The following EEA1 variants were observed in gnomAD, a reference collection of about 807,000 sequenced individuals.
EEA1 encodes early endosome antigen 1.
A neutral mutation model predicts 209.2 loss-of-function variants in EEA1; 111 were observed. That is an observed-to-expected ratio of 0.53 (90% CI 0.45 to 0.62). EEA1 has a LOEUF of 0.62. EEA1 is among the 20% of genes least tolerant of loss of function. The probability of loss-of-function intolerance (pLI) is 0.00; values close to 1 mark genes in which losing one functional copy is unlikely to be tolerated. For synonymous variants in EEA1, 536 were observed against 540.6 expected, an observed-to-expected ratio of 0.99 and a Z score of 0.12; for missense variants, 1,343 against 1,530.8, an observed-to-expected ratio of 0.88 and a Z score of 2.05.
intron 3 of EEA1, chr12:92,858,496 T>G (rs745618836): frequency 1.7e-5 from 16 of 938,404 alleles, no homozygotes; most frequent in Non-Finnish European, 2.8e-5. Flanking sequence ...GGCTTGATGT[T>G]TGGCTACGCC....
In EEA1 at chr12:92,827,953, CTTG is replaced by C. The variant is rs773755370; in HGVS notation, c.1360_1362del (p.Gln454del). On this transcript the variant is annotated inframe_deletion, in exon 12 of 29. Coordinates refer to ENST00000322349, the MANE Select transcript of EEA1 (RefSeq NM_003566.4). ...GAAAGTTTGAGTTGTAAATCAGCCA[CTTG>C]TTGTTCTTTATCCATCAACTTTTCA... is the stretch of plus-strand genomic sequence containing the variant. 29 of 1,589,868 alleles carry C rather than the reference CTTG, an allele frequency of 1.8e-5. No homozygotes were observed. Among genetic ancestry groups the C allele is most frequent in the South Asian group, 2.3e-5 (2 of 86,642 alleles).
rs1460228350 is a variant in EEA1 at position 92,878,704 on chromosome 12, A to G, written c.117+12925T>C. 2.0e-5 allele frequency among the ~76,000 whole-genome samples: 3 copies of G among 152,314 alleles called. No homozygotes were observed. The East Asian group carries it at 5.8e-4, about 29-fold the overall frequency. On this transcript the variant is annotated intron_variant, in intron 2 of 28. Coordinates refer to ENST00000322349, the MANE Select transcript of EEA1 (RefSeq NM_003566.4). The stretch of plus-strand genomic sequence containing the variant: ...AACACAGAGAAAATTAACAAAGTCA[A>G]AAGTTGGCTACCTTAAAAATTAATA...
At chr12:92,901,105 A>G (rs944460766) in intron 1 of EEA1, among the ~76,000 whole-genome samples, 3 of 152,264 alleles carry the variant, frequency 2.0e-5, no homozygotes, top group Non-Finnish European at 4.4e-5. Flanking sequence ...TTATACTTCC[A>G]AAGAACTGTA....
chr12:92,789,579 G>T (rs1392928019), intron 21 of EEA1, among the ~76,000 whole-genome samples: 1 of 152,110 alleles, frequency 6.6e-6, no homozygotes, highest in African/African-American at 2.4e-5. Context: ...AGGGGGGTCT[G>T]CCATTGCTGA....
chr12:92,886,986 G>A (rs112795225), intron 2 of EEA1, among the ~76,000 whole-genome samples: 5,982 of 118,758 alleles, frequency 0.05, 171 homozygotes, highest in Non-Finnish European at 0.067. Context: ...GCAACAGAGC[G>A]GGACTCCATC....
chr12:92,923,280 G>A (rs995742505), intron 1 of EEA1, among the ~76,000 whole-genome samples: 2 of 152,072 alleles, frequency 1.3e-5, no homozygotes, highest in East Asian at 1.9e-4. Flanking sequence ...CCCGGGAGGC[G>A]GAGCTTGTAG....
chr12:92,780,159 C>T (rs1354923733), intron 24 of EEA1, 121 bp downstream of exon 24: 1 of 1,048,872 alleles, frequency 9.5e-7, no homozygotes, highest in African/African-American at 1.7e-5. Flanking sequence ...TCAGAAACAA[C>T]AGAACAATTT....
intron 2 of EEA1, among the ~76,000 whole-genome samples, chr12:92,880,488 T>TG (rs750049186): frequency 1.6e-4 from 25 of 151,974 alleles, no homozygotes; most frequent in Non-Finnish European, 3.4e-4. Flanking sequence ...TTGTTGTTGT[T>TG]GGAGGGGGCG....
intron 6 of EEA1, 27 bp downstream of exon 6, chr12:92,853,888 C>G: frequency 6.3e-7 from 1 of 1,584,712 alleles, no homozygotes; most frequent in African/African-American, 1.4e-5. Flanking sequence ...AGAAAACTGA[C>G]AAAATATCTG....
At chr12:92,806,070 A>T (rs1334696313) in intron 18 of EEA1, among the ~76,000 whole-genome samples, 2 of 152,196 alleles carry the variant, frequency 1.3e-5, no homozygotes, top group Non-Finnish European at 2.9e-5. Context: ...TGGGTAACTG[A>T]AAAAAAGAAA....
In EEA1 at chr12:92,819,392, A is replaced by G. The variant is rs1366084256; in HGVS notation, c.1644T>C (p.Asp548=). Reference sequence around the variant, plus strand: ...CACCAGCCTGAATTTTTGCATAAAGATCTTCTCTTTCTTTTTCTAGTAATG... The same window carrying G: ...CACCAGCCTGAATTTTTGCATAAAGGTCTTCTCTTTCTTTTTCTAGTAATG... ...NISLLEKERE[D]LYAKIQAGEG... The change falls in exon 14 of 29, where the codon GAT becomes GAC. Residue 548 remains aspartate, a synonymous_variant. Transcript: ENST00000322349. The G allele has an allele frequency of 8.7e-6, 14 of 1,612,814 alleles. No individual in the cohort carries two copies. The East Asian group carries it at 2.7e-4, about 31-fold the overall frequency.
At position 92,856,767 on chromosome 12, in the gene EEA1, C is replaced by CTTTT. The variant is rs57579359; in HGVS notation, c.366+504_366+507dup. On this transcript the variant is annotated intron_variant, in intron 5 of 28. Transcript: ENST00000322349. ...AAAAACAACATATAGATACCTGATT[C>CTTTT]TTTTTTTTTTTTTTTTTTTTTTGAG... is the stretch of plus-strand genomic sequence containing the variant. Among the ~76,000 whole-genome samples, 205 of 86,642 alleles carry CTTTT rather than the reference C, an allele frequency of 2.4e-3. 2 individuals carry two copies. Among genetic ancestry groups the CTTTT allele is most frequent in the African/African-American group, 3.3e-3 (73 of 22,008 alleles). The allele number at this position is 86,642 out of a possible 152,430, so 56.8% of individuals were successfully genotyped here. A position where few individuals can be genotyped will look rare whatever the true frequency, so the allele number is the denominator to read the frequency against.
chr12:92,919,633 C>T (rs1278469507), intron 1 of EEA1, among the ~76,000 whole-genome samples: 2 of 146,622 alleles, frequency 1.4e-5, no homozygotes, highest in African/African-American at 5.1e-5. Flanking sequence ...AACCCACAGC[C>T]AATATCATAC....
At chr12:92,826,399 TATAA>T (rs1876300779) in intron 12 of EEA1, 114 bp from the exon 13 acceptor site, 1 of 959,790 alleles carries the variant, frequency 1.0e-6, no homozygotes, top group Admixed American at 2.7e-5. Context: ...TTCAGGAATA[TATAA>T]GATAAACTTT....
chr12:92,858,359 T>C, intron 3 of EEA1: 1 of 895,094 alleles, frequency 1.1e-6, no homozygotes, highest in Non-Finnish European at 1.9e-6. Context: ...TTGGATATGA[T>C]GATTCTTCCA....
intron 2 of EEA1, among the ~76,000 whole-genome samples, chr12:92,865,663 G>T (rs1833937489): frequency 6.6e-6 from 1 of 151,934 alleles, no homozygotes. Context: ...ATTTTAGGTT[G>T]CAATTCATTA....
rs945556733 is a variant in EEA1, at chr12:92,916,375, C to A, written c.24+12668G>T. 2.0e-5 allele frequency among the ~76,000 whole-genome samples: 3 copies of A among 151,794 alleles called. No individual in the cohort carries two copies. The East Asian group carries it at 5.8e-4, about 29-fold the overall frequency. On this transcript the variant is annotated intron_variant, in intron 1 of 28. Coordinates refer to ENST00000322349, the MANE Select transcript of EEA1 (RefSeq NM_003566.4). ...TGTGAAACAAACTTAAAAATCTGGGCCGGGCGCGGTGGCTCATGCCTGTAA... is the reference window on the plus strand; with the variant it reads ...TGTGAAACAAACTTAAAAATCTGGGACGGGCGCGGTGGCTCATGCCTGTAA...
Position 92,776,005 on chromosome 12 carries a change from A to T in EEA1, c.*6T>A, listed in dbSNP as rs1873642305. On this transcript the variant is annotated 3_prime_UTR_variant, in exon 29 of 29. Coordinates refer to ENST00000322349, the MANE Select transcript of EEA1 (RefSeq NM_003566.4). Reference sequence around the variant, plus strand: ...TGTAATATTACTCTGAAGTTGTGATAACCCATTATCCTTGCAAGTCATTGA... The same window carrying T: ...TGTAATATTACTCTGAAGTTGTGATTACCCATTATCCTTGCAAGTCATTGA... 1 of 1,608,798 alleles carries T rather than the reference A, an allele frequency of 6.2e-7. No individual in the cohort carries two copies. The highest frequency in any genetic ancestry group is 1.3e-5 in the African/African-American group (1 of 74,710).
At chr12:92,833,693 C>T (rs1004477203) in intron 10 of EEA1, among the ~76,000 whole-genome samples, 3 of 152,144 alleles carry the variant, frequency 2.0e-5, no homozygotes, top group African/African-American at 7.2e-5. Context: ...AACTTACATG[C>T]AGTGTGCTGG....
Sources: allele counts gnomAD v4.1 joint callset (sites outside exome capture counted in the v4.1 genomes callset), GRCh38; gene constraint gnomAD v4.1.1; transcripts MANE v1.5; gene names NCBI Gene and HGNC (gene_info 2026-07-23, HGNC 2026-07-21).